Variants in UBE4B observed in about 807,000 individuals in gnomAD.
The protein encoded by UBE4B is ubiquitin conjugation factor E4 B.
Under a neutral mutation model 148.1 loss-of-function variants are expected in UBE4B, and 27 were observed. The ratio of observed to expected loss-of-function variants is 0.18; its 90% CI spans 0.13 to 0.25. The LOEUF (loss-of-function observed/expected upper bound fraction) is 0.25. Among genes scored for constraint, UBE4B ranks in the 10% least tolerant of loss-of-function variants. The pLI is 1.00. For missense variants in UBE4B, 1,170 were observed against 1,662.4 expected (o/e 0.70, Z 5.15); for synonymous variants, 596 against 619.3 (o/e 0.96, Z 0.56).
rs112860894 is a variant in UBE4B, at chr1:10,154,367, G to A, written c.2926+2806G>A. Among the ~76,000 whole-genome samples, 750 of 151,960 alleles carry A rather than the reference G, an allele frequency of 4.9e-3. 9 individuals are homozygous for A. The highest frequency in any genetic ancestry group is 0.017 in the African/African-American group (696 of 41,464). The stretch of plus-strand genomic sequence containing the variant: ...CGGGAGGTGGAGGTTGTAGTTAGCC[G>A]AGATCTAAAAAAATTTTAAAAAAAA... On this transcript the variant is annotated intron_variant, in intron 21 of 27. Transcript: ENST00000343090.
chr1:10,130,381 G>C (rs964807048), intron 12 of UBE4B, 119 bp from the exon 13 acceptor site: 1 of 943,296 alleles, frequency 1.1e-6, no homozygotes, highest in African/African-American at 1.6e-5. Context: ...ATGCCTGGCT[G>C]AAACATAAAA....
In UBE4B at chr1:10,158,465, C is replaced by T. The variant is rs1187843186; in HGVS notation, c.3036C>T (p.Thr1012=). ...SLWQNIAHHG[T]FMEEFNSGKQ... is the part of the protein sequence containing the mutation. ...GGCAAAACATAGCTCACCATGGCAC[C>T]TTTATGGAGGAGTTCAAGTGAGTAT... is the stretch of plus-strand genomic sequence containing the variant. Residue 1012 remains threonine (T), a synonymous_variant, in exon 22 of 28, where the codon ACC becomes ACT. Coordinates refer to ENST00000343090, the MANE Select transcript of UBE4B (RefSeq NM_001105562.3). The T allele has an allele frequency of 1.2e-6, 2 of 1,613,952 alleles. No individual in the cohort carries two copies. The highest frequency in any genetic ancestry group is 2.7e-5 in the African/African-American group (2 of 74,914).
intron 15 of UBE4B, among the ~76,000 whole-genome samples, chr1:10,132,915 G>C (rs1039552726): frequency 2.6e-5 from 4 of 152,206 alleles, no homozygotes; most frequent in African/African-American, 9.6e-5. Flanking sequence ...CTGGAGAAGA[G>C]TGAACAGGAG....
At chr1:10,102,922 A>G (rs1376992417) in intron 4 of UBE4B, 26 bp from the exon 5 acceptor site, 13 of 1,584,952 alleles carry the variant, frequency 8.2e-6, no homozygotes, top group Non-Finnish European at 1.1e-5. Context: ...ATTTGAAATT[A>G]ACCTGCAAAT....
intron 23 of UBE4B, among the ~76,000 whole-genome samples, chr1:10,164,840 G>T (rs552164244): frequency 6.6e-6 from 1 of 152,212 alleles, no homozygotes; most frequent in South Asian, 2.1e-4. Flanking sequence ...CTCAACGAGG[G>T]CACTAGTTGG....
At chr1:10,170,913 C>A (rs1646330045) in intron 24 of UBE4B, 2 of 373,654 alleles carry the variant, frequency 5.4e-6, no homozygotes, top group East Asian at 8.2e-5. Context: ...ATAAATATTT[C>A]ATCAGCCTGC....
chr1:10,058,248 G>A (rs1041162786), intron 1 of UBE4B, among the ~76,000 whole-genome samples: 2 of 152,148 alleles, frequency 1.3e-5, no homozygotes, highest in African/African-American at 2.4e-5. Flanking sequence ...TGTAACTGTT[G>A]AGTAAACATT....
chr1:10,123,170 C>T (rs1054091951), intron 10 of UBE4B, among the ~76,000 whole-genome samples: 75 of 152,096 alleles, frequency 4.9e-4, no homozygotes, highest in Admixed American at 1.9e-3. Flanking sequence ...GTGGCTCACG[C>T]CTGTAATCTC....
chr1:10,101,439 T>G (rs890674296), intron 4 of UBE4B, among the ~76,000 whole-genome samples: 3 of 149,556 alleles, frequency 2.0e-5, no homozygotes, highest in African/African-American at 7.3e-5. Flanking sequence ...TATCAGTAAA[T>G]TTAGGTTGTA....
At chr1:10,107,219 T>C in intron 7 of UBE4B, 3 of 1,289,646 alleles carry the variant, frequency 2.3e-6, no homozygotes, top group Non-Finnish European at 2.0e-6. Flanking sequence ...TTTGTTGTGG[T>C]AGTATGTACG....
At chr1:10,038,527 G>C (rs1643631222) in intron 1 of UBE4B, among the ~76,000 whole-genome samples, 1 of 152,156 alleles carries the variant, frequency 6.6e-6, no homozygotes, top group South Asian at 2.1e-4. Context: ...TAAGTAACTT[G>C]TCCATAGCGA....
chr1:10,035,919 G>GT (rs368273980), intron 1 of UBE4B, among the ~76,000 whole-genome samples: 6,237 of 147,646 alleles, frequency 0.042, 172 homozygotes, highest in Non-Finnish European at 0.069. Flanking sequence ...AATTTTTTGT[G>GT]TTTTTAGTAG....
intron 1 of UBE4B, among the ~76,000 whole-genome samples, chr1:10,062,083 T>A (rs1473672155): frequency 2.0e-5 from 3 of 151,982 alleles, no homozygotes; most frequent in Non-Finnish European, 4.4e-5. Flanking sequence ...CTAATTTTTG[T>A]ATTTTTAGTA....
At chr1:10,069,694 C>T (rs551271569) in intron 1 of UBE4B, among the ~76,000 whole-genome samples, 29 of 152,170 alleles carry the variant, frequency 1.9e-4, no homozygotes, top group Non-Finnish European at 3.7e-4. Flanking sequence ...GGCACCATGC[C>T]TGGCTGATCT....
intron 23 of UBE4B, among the ~76,000 whole-genome samples, chr1:10,162,734 G>A (rs936119026): frequency 6.6e-6 from 1 of 151,784 alleles, no homozygotes; most frequent in Non-Finnish European, 1.5e-5. Flanking sequence ...CTGTCACCCA[G>A]GGAGTGAGCA....
intron 1 of UBE4B, among the ~76,000 whole-genome samples, chr1:10,044,552 TCTTCCTTC>T (rs553765104): frequency 2.0e-5 from 3 of 151,772 alleles, no homozygotes; most frequent in African/African-American, 4.8e-5. Flanking sequence ...CCTTCCTTAC[TCTTCCTTC>T]CTTCCTTCCT....
rs114117645 is a variant in UBE4B, at chr1:10,062,020, C to A, written c.25-10008C>A. Among the ~76,000 whole-genome samples the A allele has an allele frequency of 2.0e-5, 3 of 150,264 alleles. No homozygotes were observed. In the South Asian group the frequency reaches 6.3e-4, roughly 32 times the overall value. On this transcript the variant is annotated intron_variant, in intron 1 of 27. Coordinates refer to ENST00000343090, the MANE Select transcript of UBE4B (RefSeq NM_001105562.3). ...CGCCTCCTGGGTTAAAGCTTTTCTT[C>A]TGCCTCAGCTTCCTGAGTATCTGGG...
intron 21 of UBE4B, among the ~76,000 whole-genome samples, chr1:10,153,589 G>A (rs1646016300): frequency 6.6e-6 from 1 of 151,738 alleles, no homozygotes; most frequent in Admixed American, 6.6e-5. Context: ...GGGAGGCCAA[G>A]GCAGTGGATC....
intron 21 of UBE4B, among the ~76,000 whole-genome samples, chr1:10,154,894 C>T (rs975739652): frequency 2.0e-5 from 3 of 151,368 alleles, no homozygotes; most frequent in Non-Finnish European, 4.4e-5. Flanking sequence ...ATAGTAACAG[C>T]GCATTGGTTA....
Sources: gnomAD v4.1 joint callset for allele counts (sites outside exome capture counted in the v4.1 genomes callset) on GRCh38, gnomAD v4.1.1 for gene constraint, MANE v1.5 for transcripts, NCBI Gene and HGNC (gene_info 2026-07-23, HGNC 2026-07-21) for gene names.